Variants in CLDN16 observed in about 807,000 individuals in gnomAD.
CLDN16 encodes claudin 16, also known as claudin-16.
Under a neutral mutation model 24.6 loss-of-function variants are expected in CLDN16, and 13 were observed. That is an observed-to-expected ratio of 0.53 (90% CI 0.34 to 0.84). The LOEUF (loss-of-function observed/expected upper bound fraction) is 0.84, where lower values mean the gene tolerates loss of function less well. Among genes scored for constraint, CLDN16 ranks in the 40% least tolerant of loss-of-function variants. The pLI, the probability that CLDN16 is intolerant of heterozygous loss-of-function variation, is 0.01. For synonymous variants in CLDN16, 116 were observed against 106.7 expected (o/e 1.09, Z -0.54); for missense variants, 298 against 292.7 (o/e 1.02, Z -0.13).
chr3:190,395,132 A>C (rs3774010), intron 1 of CLDN16, among the ~76,000 whole-genome samples: 14,315 of 152,156 alleles, frequency 0.094, 898 homozygotes, highest in Non-Finnish European at 0.14. Flanking sequence ...TAACCATTTA[A>C]AAATGTTAAA....
Position 190,408,372 on chromosome 3 carries a change from T to C in CLDN16, c.441T>C (p.Ser147=), listed in dbSNP as rs1719159332. 2.5e-6 allele frequency: 4 copies of C among 1,614,078 alleles called. No homozygotes were observed. The highest frequency in any genetic ancestry group is 1.3e-5 in the African/African-American group (1 of 74,928). The change falls in exon 4 of 5, where the codon TCT becomes TCC. Residue 147 remains serine, a synonymous_variant. Transcript: ENST00000264734. Reference sequence around the variant, plus strand: ...CTGTTGATGTGTATGTGGAACGTTCTACTTTGGTTTTGCACAATATATTTC... The same window carrying C: ...CTGTTGATGTGTATGTGGAACGTTCCACTTTGGTTTTGCACAATATATTTC... The part of the protein sequence containing the change: ...WYAVDVYVER[S]TLVLHNIFLG...
intron 1 of CLDN16, among the ~76,000 whole-genome samples, chr3:190,398,561 T>C (rs1219182030): frequency 2.0e-5 from 3 of 152,206 alleles, no homozygotes; most frequent in African/African-American, 7.2e-5. Flanking sequence ...AGATCCTTTT[T>C]CCAAATAAGG....
In CLDN16 at chr3:190,402,424, C is replaced by G; in HGVS notation, c.202C>G (p.Leu68Val). The G allele has an allele frequency of 6.2e-7, 1 of 1,613,204 alleles. No homozygotes were observed. Among genetic ancestry groups the G allele is most frequent in the Non-Finnish European group, 8.5e-7 (1 of 1,179,278 alleles). Residue 68 changes from leucine (L) to valine (V), a missense_variant, in exon 2 of 5, where the codon CTT (leucine) becomes GTT (valine). Coordinates refer to ENST00000264734, the MANE Select transcript of CLDN16 (RefSeq NM_006580.4). ...CACCTGTGATGAGTACGATTCCATA[C>G]TTGCGGAGCATCCCTGTACGTATGC... ...IRTCDEYDSILAEHPLKLVVT... is the reference protein window; with the variant it reads ...IRTCDEYDSIVAEHPLKLVVT...
At chr3:190,378,850 G>C (rs535705222) in intron 3 of CLDN16, among the ~76,000 whole-genome samples, 2 of 151,910 alleles carry the variant, frequency 1.3e-5, no homozygotes, top group African/African-American at 2.4e-5. Context: ...GCTGTGTCAG[G>C]TTGAATAAGT....
At chr3:190,369,665 C>G (rs1439982582) in intron 1 of CLDN16, among the ~76,000 whole-genome samples, 2 of 151,864 alleles carry the variant, frequency 1.3e-5, no homozygotes, top group Admixed American at 6.6e-5. Context: ...TTATGAACAT[C>G]GTTCTATGTC....
chr3:190,394,723 T>C (rs1301141093), intron 1 of CLDN16, among the ~76,000 whole-genome samples: 2 of 152,168 alleles, frequency 1.3e-5, no homozygotes, highest in Non-Finnish European at 2.9e-5. Context: ...AAAGAATGAA[T>C]ATATTAATGA....
chr3:190,360,570 T>C (rs372735986), intron 1 of CLDN16, among the ~76,000 whole-genome samples: 3 of 152,112 alleles, frequency 2.0e-5, no homozygotes, highest in African/African-American at 7.2e-5. Context: ...AGTCCATTTG[T>C]ATTATATTCC....
At chr3:190,329,334 A>T (rs1374790834) in intron 1 of CLDN16, among the ~76,000 whole-genome samples, 1 of 152,198 alleles carries the variant, frequency 6.6e-6, no homozygotes, top group East Asian at 1.9e-4. Context: ...TGACAATTTC[A>T]AAAACTTCTG....
At position 190,393,203 on chromosome 3, in the gene CLDN16, C is replaced by T. The variant is rs576136373; in HGVS notation, c.114+4760C>T. Reference sequence around the variant, plus strand: ...TTGGAGGGGTGGTGATGTTACTCACCAAGAGTTTAAATGAATGAAAATTAG... The same window carrying T: ...TTGGAGGGGTGGTGATGTTACTCACTAAGAGTTTAAATGAATGAAAATTAG... On this transcript the variant is annotated intron_variant, in intron 1 of 4. Coordinates refer to ENST00000264734, the MANE Select transcript of CLDN16 (RefSeq NM_006580.4). Among the ~76,000 whole-genome samples, 5 of 152,178 alleles carry T rather than the reference C, an allele frequency of 3.3e-5. No homozygotes were observed. The East Asian group carries it at 9.6e-4, about 29-fold the overall frequency.
At chr3:190,392,059 C>CTTTTT (rs35220103) in intron 1 of CLDN16, among the ~76,000 whole-genome samples, 3 of 126,078 alleles carry the variant, frequency 2.4e-5, no homozygotes, top group Non-Finnish European at 3.4e-5. Context: ...CCTTTTCAGT[C>CTTTTT]TTTTTTTTTT....
the CLDN16 span, chr3:190,307,463 A>G: frequency 3.9e-5 from 6 of 152,326 alleles, no homozygotes; most frequent in Non-Finnish European, 7.3e-5. Flanking sequence ...CAAGAGTGCT[A>G]TGGGTCAGAG....
At chr3:190,290,896 G>C in the CLDN16 span, among the ~76,000 whole-genome samples, 1 of 152,146 alleles carries the variant, frequency 6.6e-6, no homozygotes, top group Admixed American at 6.6e-5. Flanking sequence ...CTACATATCT[G>C]TGGGAATATA....
At chr3:190,325,157 C>T (rs904130100) in intron 1 of CLDN16, among the ~76,000 whole-genome samples, 1 of 152,166 alleles carries the variant, frequency 6.6e-6, no homozygotes, top group Non-Finnish European at 1.5e-5. Flanking sequence ...GTTTTATATG[C>T]TATCTCTACG....
chr3:190,404,001 C>T (rs146819408), intron 2 of CLDN16, among the ~76,000 whole-genome samples: 36 of 152,202 alleles, frequency 2.4e-4, no homozygotes, highest in Non-Finnish European at 3.5e-4. Flanking sequence ...AAGCTCACTA[C>T]GTAGAGAAAA....
At chr3:190,296,316 G>A in the CLDN16 span, among the ~76,000 whole-genome samples, 1 of 152,112 alleles carries the variant, frequency 6.6e-6, no homozygotes, top group South Asian at 2.1e-4. Context: ...ATAAAGCAGG[G>A]AAAGAGAATA....
the CLDN16 span, among the ~76,000 whole-genome samples, chr3:190,292,592 A>G: frequency 6.6e-6 from 1 of 152,294 alleles, no homozygotes; most frequent in Non-Finnish European, 1.5e-5. Context: ...CTCCCCAGAA[A>G]TGGGTTTTTC....
intron 1 of CLDN16, among the ~76,000 whole-genome samples, chr3:190,337,037 C>T (rs1717327292): frequency 6.6e-6 from 1 of 152,172 alleles, no homozygotes; most frequent in African/African-American, 2.4e-5. Context: ...TTATGAGCAG[C>T]TAATAGAGGA....
chr3:190,384,240 A>G (rs140804742), upstream of CLDN16, among the ~76,000 whole-genome samples: 148 of 152,302 alleles, frequency 9.7e-4, 1 homozygote, highest in African/African-American at 3.4e-3. Flanking sequence ...ATATGGTATA[A>G]GTCAGTTTAC....
intron 1 of CLDN16, among the ~76,000 whole-genome samples, chr3:190,400,550 T>G (rs1265937402): frequency 6.6e-6 from 1 of 152,216 alleles, no homozygotes; most frequent in East Asian, 1.9e-4. Context: ...TTCTTATAGC[T>G]TCCACATATG....
Sources: gnomAD v4.1 joint callset for allele counts (sites outside exome capture counted in the v4.1 genomes callset) on GRCh38, gnomAD v4.1.1 for gene constraint, MANE v1.5 for transcripts, NCBI Gene and HGNC (gene_info 2026-07-23, HGNC 2026-07-21) for gene names.